The following HPD variants were observed in gnomAD, a reference collection of about 807,000 sequenced individuals.
HPD encodes the protein 4-hydroxyphenylpyruvic acid oxidase.
In HPD, 35 loss-of-function variants were observed where a neutral mutation model predicts 56.9. The ratio of observed to expected loss-of-function variants is 0.62; its 90% CI spans 0.47 to 0.82. The LOEUF (loss-of-function observed/expected upper bound fraction) is 0.82. Among genes scored for constraint, HPD ranks in the 40% least tolerant of loss-of-function variants. The pLI is 0.00. For missense variants in HPD, 442 were observed against 506.8 expected, an observed-to-expected ratio of 0.87 and a Z score of 1.23; for synonymous variants, 186 against 200.2, an observed-to-expected ratio of 0.93 and a Z score of 0.60.
Position 121,843,694 on chromosome 12 carries a change from C to A in HPD, c.954+16G>T. ...ATACTCCCCCCACAAGGCTGCGGAT[C>A]CTGCCTGGGCCTCACCTCCAGGGCA... On this transcript the variant is annotated intron_variant, in intron 12 of 13. Coordinates refer to ENST00000289004, the MANE Select transcript of HPD (RefSeq NM_002150.3). 1 of 1,613,978 alleles carries A rather than the reference C, an allele frequency of 6.2e-7. No individual in the cohort carries two copies. The highest frequency in any genetic ancestry group is 8.5e-7 in the Non-Finnish European group (1 of 1,179,954).
At chr12:121,867,699 A>G (rs1424615978), upstream of HPD, among the ~76,000 whole-genome samples, 2 of 152,120 alleles carry the variant, frequency 1.3e-5, no homozygotes, top group African/African-American at 2.4e-5. Flanking sequence ...TTTTTAATAG[A>G]GACAGGGTTT....
rs770158577 is a variant in HPD, at chr12:121,847,167, G to T, written c.644C>A (p.Thr215Lys). The part of the protein sequence containing the change: ...QFHRFWSVDD[T>K]QVHTEYSSLR... The stretch of plus-strand genomic sequence containing the variant: ...AGAGCTATATTCCGTGTGCACCTGC[G>T]TGTCATCCACGGACCAGAAGCGGTG... Residue 215 changes from threonine to lysine, a missense_variant, in exon 10 of 14, where the codon ACG becomes AAG. Transcript: ENST00000289004. 6.2e-7 allele frequency: 1 copy of T among 1,614,154 alleles called. No individual in the cohort carries two copies. Among genetic ancestry groups the T allele is most frequent in the East Asian group, 2.2e-5 (1 of 44,880 alleles).
chr12:121,841,030 C>CTAAAAA (rs71079101), intron 12 of HPD, among the ~76,000 whole-genome samples: 3 of 151,188 alleles, frequency 2.0e-5, no homozygotes, highest in East Asian at 1.9e-4. Context: ...CCCATCTCTA[C>CTAAAAA]TAAAAATAAA....
Position 121,843,838 on chromosome 12 carries a change from T to C in HPD, c.832-6A>G, listed in dbSNP as rs1399275029. On this transcript the variant is annotated splice_region_variant and splice_polypyrimidine_tract_variant and intron_variant, in intron 11 of 13. Coordinates refer to ENST00000289004, the MANE Select transcript of HPD (RefSeq NM_002150.3). ...CTCTCTCTCAAGTGGCGAATCTGTT[T>C]CAGAGCAAAGCTGAGGTCAGCCTTC... 1 of 1,614,030 alleles carries C rather than the reference T, an allele frequency of 6.2e-7. No individual in the cohort carries two copies. The highest frequency in any genetic ancestry group is 1.1e-5 in the South Asian group (1 of 91,074).
At chr12:121,865,204 G>T (rs1245620305), upstream of HPD, among the ~76,000 whole-genome samples, 1 of 151,938 alleles carries the variant, frequency 6.6e-6, no homozygotes, top group Non-Finnish European at 1.5e-5. Flanking sequence ...GGAGTCGGAG[G>T]CTGCAGTGAG....
upstream of HPD, among the ~76,000 whole-genome samples, chr12:121,866,263 T>G (rs1223562289): frequency 2.0e-5 from 3 of 147,124 alleles, no homozygotes; most frequent in Admixed American, 7.0e-5. Flanking sequence ...ATCTTGCCAC[T>G]GCACTCCAGC....
chr12:121,888,601 T>C, the HPD span: 1 of 509,006 alleles, frequency 2.0e-6, no homozygotes, highest in Non-Finnish European at 3.6e-6. Flanking sequence ...AGCGTTGGTG[T>C]GCAATTGCGT....
intron 6 of HPD, 25 bp from the exon 7 acceptor site, chr12:121,854,817 A>G (rs376148151): frequency 8.0e-5 from 126 of 1,575,744 alleles, no homozygotes; most frequent in Non-Finnish European, 1.0e-4. Context: ...GGATCGGGGA[A>G]TTGGTGAGGG....
At chr12:121,840,336 T>C (rs1347451749) in intron 12 of HPD, among the ~76,000 whole-genome samples, 1 of 152,156 alleles carries the variant, frequency 6.6e-6, no homozygotes, top group East Asian at 1.9e-4. Flanking sequence ...AGCCTTGCGC[T>C]GTTACCCAGG....
chr12:121,853,621 C>CAA (rs35131803), intron 7 of HPD, among the ~76,000 whole-genome samples: 8 of 53,410 alleles, frequency 1.5e-4, no homozygotes, highest in African/African-American at 4.9e-4. Flanking sequence ...GACTCCATCT[C>CAA]AAAAAAAAAA....
Position 121,839,654 on chromosome 12 carries a change from G to C in HPD, c.*74C>G. On this transcript the variant is annotated 3_prime_UTR_variant, in exon 14 of 14. Coordinates refer to ENST00000289004, the MANE Select transcript of HPD (RefSeq NM_002150.3). ...GGGCGGGACCCAAGGGGAGCAGCCA[G>C]TAGGGAAGTTGGGCGAGTTCCAGAA... 9.1e-7 allele frequency: 1 copy of C among 1,099,818 alleles called. No homozygotes were observed. The highest frequency in any genetic ancestry group is 1.4e-6 in the Non-Finnish European group (1 of 717,466). 68.1% of individuals were successfully genotyped at this position (1,099,818 alleles called of 1,614,324 possible). A position where few individuals can be genotyped will look rare whatever the true frequency, so the allele number is the denominator to read the frequency against.
At chr12:121,852,968 T>C (rs1877860698) in intron 7 of HPD, among the ~76,000 whole-genome samples, 1 of 152,116 alleles carries the variant, frequency 6.6e-6, no homozygotes, top group Non-Finnish European at 1.5e-5. Context: ...TGAGGAGTCA[T>C]AGTTGAAGAT....
the HPD span, among the ~76,000 whole-genome samples, chr12:121,884,816 A>G: frequency 6.6e-6 from 1 of 152,110 alleles, no homozygotes; most frequent in South Asian, 2.1e-4. Flanking sequence ...TTACATTTAC[A>G]AATAATTTAC....
chr12:121,845,168 C>T (rs770506514), intron 11 of HPD, among the ~76,000 whole-genome samples: 11 of 149,592 alleles, frequency 7.4e-5, no homozygotes, highest in Non-Finnish European at 1.5e-4. Flanking sequence ...GGCTGCAGTG[C>T]AGTGGCATGA....
chr12:121,855,803 T>G (rs1184606760), intron 6 of HPD, among the ~76,000 whole-genome samples: 1 of 150,692 alleles, frequency 6.6e-6, no homozygotes, highest in South Asian at 2.1e-4. Context: ...AAACCCCATC[T>G]CTACTAAAAA....
chr12:121,852,697 C>T (rs1203344533), intron 7 of HPD, among the ~76,000 whole-genome samples: 1 of 129,096 alleles, frequency 7.7e-6, no homozygotes, highest in African/African-American at 3.0e-5. Flanking sequence ...TGCAGAGGTG[C>T]AATCTTGGCT....
chr12:121,857,510 C>A, intron 3 of HPD, 78 bp from the exon 4 acceptor site: 1 of 1,136,100 alleles, frequency 8.8e-7, no homozygotes, highest in Non-Finnish European at 1.3e-6. Flanking sequence ...AGCCCCTGGC[C>A]CCCCTCAGCC....
the HPD span, among the ~76,000 whole-genome samples, chr12:121,878,876 T>C: frequency 1.3e-5 from 2 of 151,920 alleles, no homozygotes; most frequent in African/African-American, 4.8e-5. Context: ...GGTCTCACTA[T>C]GTTGTCTCGG....
chr12:121,847,363 T>C (rs1250952881), intron 9 of HPD, 149 bp from the exon 10 acceptor site: 2 of 719,070 alleles, frequency 2.8e-6, no homozygotes, highest in Non-Finnish European at 4.8e-6. Context: ...TAGATCTTTT[T>C]GTTGTTGTTG....
Sources: allele counts gnomAD v4.1 joint callset (sites outside exome capture counted in the v4.1 genomes callset), GRCh38; gene constraint gnomAD v4.1.1; transcripts MANE v1.5; gene names NCBI Gene and HGNC (gene_info 2026-07-23, HGNC 2026-07-21).